PTBP3: variants seen among roughly 807,000 people sequenced by gnomAD.
The protein encoded by PTBP3 is polypyrimidine tract-binding protein 3.
In PTBP3, 20 loss-of-function variants were observed where a neutral mutation model predicts 58.7. The observed-to-expected ratio is 0.34, with a 90% confidence interval of 0.24 to 0.50. The LOEUF is 0.50. Among genes scored for constraint, PTBP3 ranks in the 20% least tolerant of loss-of-function variants. The pLI is 0.98. For synonymous variants in PTBP3, 185 were observed against 219.8 expected (o/e 0.84, Z 1.40); for missense variants, 509 against 637.2 (o/e 0.80, Z 2.17).
chr9:112,344,678 ATGAT>A, the PTBP3 span, among the ~76,000 whole-genome samples: 1 of 152,262 alleles, frequency 6.6e-6, no homozygotes, highest in African/African-American at 2.4e-5. Context: ...TGCAGCTGAT[ATGAT>A]TATCTATGTA....
At chr9:112,252,519 G>A (rs1179136347) in intron 6 of PTBP3, 159 bp downstream of exon 6, 30 of 557,220 alleles carry the variant, frequency 5.4e-5, no homozygotes, top group East Asian at 1.3e-4. Flanking sequence ...TTTTAGCTTA[G>A]AAAAAAAAAA....
intron 2 of PTBP3, among the ~76,000 whole-genome samples, chr9:112,279,830 T>G (rs1001830366): frequency 3.9e-5 from 6 of 152,246 alleles, no homozygotes; most frequent in African/African-American, 1.4e-4. Flanking sequence ...AGTAAAGTTC[T>G]GTAGTTTTCA....
At chr9:112,330,517 G>A in intron 1 of PTBP3, 1 of 1,372,532 alleles carries the variant, frequency 7.3e-7, no homozygotes, top group Non-Finnish European at 1.0e-6. Context: ...AACAAAGTTA[G>A]AGAACAAGTT....
chr9:112,363,516 T>TCACACACACACACACACACA, the PTBP3 span, among the ~76,000 whole-genome samples: 11 of 134,862 alleles, frequency 8.2e-5, no homozygotes, highest in African/African-American at 3.1e-4. Flanking sequence ...AGCAAAACTG[T>TCACACACACACACACACACA]CACACACACA....
intron 7 of PTBP3, among the ~76,000 whole-genome samples, 169 bp downstream of exon 7, chr9:112,250,760 C>T (rs972229296): frequency 1.3e-5 from 2 of 152,134 alleles, no homozygotes; most frequent in Non-Finnish European, 2.9e-5. Flanking sequence ...ACAGAACCTC[C>T]TAATATTAAT....
intron 1 of PTBP3, among the ~76,000 whole-genome samples, chr9:112,329,238 C>T (rs1830271377): frequency 6.6e-6 from 1 of 151,992 alleles, no homozygotes; most frequent in South Asian, 2.1e-4. Flanking sequence ...TGTCGAAACC[C>T]CGTCTCTATT....
Position 112,275,869 on chromosome 9 carries a change from A to T in PTBP3, c.179T>A (p.Leu60His). Residue 60 changes from leucine (L) to histidine (H), a missense_variant, in exon 3 of 14, where the codon CTT (leucine) becomes CAT (histidine). Around this residue, in one of 4 missense-constraint regions of PTBP3, gnomAD observed 212 missense variants for 215.3 expected, o/e 0.98. Transcript: ENST00000374257. ...CTGGCTTTTTCCTTTCAACATCAAA[A>T]GATTAGTTACTTTGCCAAATGGTAG... The part of the protein sequence containing the change: ...LGLPFGKVTN[L>H]LMLKGKSQAF... The T allele has an allele frequency of 6.2e-7, 1 of 1,613,390 alleles. No homozygotes were observed. Among genetic ancestry groups the T allele is most frequent in the Non-Finnish European group, 8.5e-7 (1 of 1,179,574 alleles).
chr9:112,319,714 C>T (rs946310363), intron 1 of PTBP3, among the ~76,000 whole-genome samples: 1 of 113,922 alleles, frequency 8.8e-6, no homozygotes, highest in African/African-American at 3.7e-5. Context: ...GTTGAAAAGA[C>T]ATCTGCATTC....
chr9:112,371,536 A>T, the PTBP3 span, among the ~76,000 whole-genome samples: 1 of 152,166 alleles, frequency 6.6e-6, no homozygotes, highest in Non-Finnish European at 1.5e-5. Flanking sequence ...TAAACTTATT[A>T]GAGCACTCTC....
At chr9:112,348,418 T>G in the PTBP3 span, among the ~76,000 whole-genome samples, 1 of 152,140 alleles carries the variant, frequency 6.6e-6, no homozygotes, top group Non-Finnish European at 1.5e-5. Context: ...TGGCGGAGCT[T>G]AACTGGTATA....
At chr9:112,346,454 A>C in the PTBP3 span, among the ~76,000 whole-genome samples, 16 of 152,304 alleles carry the variant, frequency 1.1e-4, no homozygotes, top group East Asian at 3.1e-3. Flanking sequence ...GGCATGAGCC[A>C]CCACACCTGG....
intron 4 of PTBP3, 100 bp downstream of exon 4, chr9:112,267,949 A>T: frequency 8.7e-7 from 1 of 1,152,692 alleles, no homozygotes; most frequent in Non-Finnish European, 1.2e-6. Flanking sequence ...AAGTATCCTA[A>T]AATGAATAAA....
At chr9:112,299,296 T>C (rs1019819453) in intron 1 of PTBP3, among the ~76,000 whole-genome samples, 29 of 152,176 alleles carry the variant, frequency 1.9e-4, no homozygotes, top group African/African-American at 2.4e-5. Flanking sequence ...TTTAGCTCTT[T>C]CGAGATTTGC....
chr9:112,336,339 G>A (rs980103522), upstream of PTBP3, among the ~76,000 whole-genome samples: 1 of 152,096 alleles, frequency 6.6e-6, no homozygotes, highest in Admixed American at 6.6e-5. Context: ...GTAGAATTGA[G>A]AAACAAAGGA....
the PTBP3 span, among the ~76,000 whole-genome samples, chr9:112,365,908 G>T: frequency 0.016 from 2,454 of 152,234 alleles, 67 homozygotes; most frequent in African/African-American, 0.055. Flanking sequence ...ATTTTATAAG[G>T]GAAGCAGAGT....
chr9:112,329,150 C>T (rs1348425511), intron 1 of PTBP3, among the ~76,000 whole-genome samples: 6 of 152,078 alleles, frequency 3.9e-5, no homozygotes, highest in Non-Finnish European at 4.4e-5. Context: ...GTGGCTCACA[C>T]CTGTAATCCT....
the PTBP3 span, among the ~76,000 whole-genome samples, chr9:112,354,082 C>A: frequency 1.3e-5 from 2 of 152,176 alleles, no homozygotes; most frequent in African/African-American, 2.4e-5. Context: ...TTTACAACTA[C>A]AACAAAGCCT....
the PTBP3 span, among the ~76,000 whole-genome samples, chr9:112,344,435 T>G: frequency 3.3e-5 from 5 of 152,324 alleles, no homozygotes; most frequent in East Asian, 9.6e-4. Flanking sequence ...TTTGGCTCTC[T>G]TTTGCTTCCT....
the PTBP3 span, among the ~76,000 whole-genome samples, chr9:112,344,732 A>C: frequency 2.0e-5 from 3 of 152,234 alleles, no homozygotes; most frequent in East Asian, 3.8e-4. Flanking sequence ...AAATTAATGC[A>C]AAAGAAAAAA....
Sources: allele counts gnomAD v4.1 joint callset (sites outside exome capture counted in the v4.1 genomes callset), GRCh38; gene constraint gnomAD v4.1.1; regional missense constraint gnomAD v4.1.1; transcripts MANE v1.5; gene names NCBI Gene and HGNC (gene_info 2026-07-23, HGNC 2026-07-21).